MYO1E: variants seen among roughly 807,000 people sequenced by gnomAD.
MYO1E encodes myosin IE, also known as unconventional myosin-Ie.
MYO1E carries 68 observed loss-of-function variants against 151.1 expected under a neutral mutation model. That is an observed-to-expected ratio of 0.45 (90% CI 0.37 to 0.55). The LOEUF is 0.55. Among genes scored for constraint, MYO1E ranks in the 20% least tolerant of loss-of-function variants. The pLI, the probability that MYO1E is intolerant of heterozygous loss-of-function variation, is 0.00. For synonymous variants in MYO1E, 601 were observed against 501.7 expected, an observed-to-expected ratio of 1.20 and a Z score of -2.64; for missense variants, 1,363 against 1,389.3, an observed-to-expected ratio of 0.98 and a Z score of 0.30.
chr15:59,311,858 A>C (rs1230357191), intron 1 of MYO1E, among the ~76,000 whole-genome samples: 9 of 152,100 alleles, frequency 5.9e-5, no homozygotes, highest in Admixed American at 5.9e-4. Flanking sequence ...CTGTCTTGCT[A>C]TCTCTCACAC....
intron 22 of MYO1E, among the ~76,000 whole-genome samples, chr15:59,166,497 T>C (rs2079563397): frequency 6.6e-6 from 1 of 152,132 alleles, no homozygotes; most frequent in Non-Finnish European, 1.5e-5. Context: ...CACCAATATA[T>C]CTTTTCACAG....
At chr15:59,182,330 A>G (rs1428995161) in intron 18 of MYO1E, among the ~76,000 whole-genome samples, 1 of 152,088 alleles carries the variant, frequency 6.6e-6, no homozygotes, top group Non-Finnish European at 1.5e-5. Context: ...CTCCTGCCTC[A>G]GCCTTCTGAG....
chr15:59,196,374 AC>A (rs2079766285), intron 16 of MYO1E, among the ~76,000 whole-genome samples: 1 of 152,232 alleles, frequency 6.6e-6, no homozygotes, highest in South Asian at 2.1e-4. Flanking sequence ...GTTTGAAGAA[AC>A]AGGAGTAGAG....
At chr15:59,262,642 C>T (rs1160337163) in intron 2 of MYO1E, among the ~76,000 whole-genome samples, 2 of 152,024 alleles carry the variant, frequency 1.3e-5, no homozygotes, top group Admixed American at 6.6e-5. Context: ...CAGAAAGAGA[C>T]CTTGTCTCAA....
At chr15:59,261,337 A>C in intron 3 of MYO1E, 83 bp downstream of exon 3, 1 of 958,260 alleles carries the variant, frequency 1.0e-6, no homozygotes, top group South Asian at 1.4e-5. Context: ...AAAAGTGCAA[A>C]AGTACTGCTA....
At chr15:59,324,277 C>T (rs1026562961) in intron 1 of MYO1E, among the ~76,000 whole-genome samples, 3 of 151,938 alleles carry the variant, frequency 2.0e-5, no homozygotes, top group Non-Finnish European at 2.9e-5. Flanking sequence ...CAGTCACATC[C>T]GTTAAGAGAG....
intron 1 of MYO1E, among the ~76,000 whole-genome samples, chr15:59,361,451 A>C (rs1481928279): frequency 2.0e-5 from 3 of 152,178 alleles, no homozygotes; most frequent in African/African-American, 7.2e-5. Context: ...ACTGTATGTC[A>C]ACTGTCATTG....
intron 1 of MYO1E, among the ~76,000 whole-genome samples, chr15:59,333,849 A>G (rs1283439798): frequency 6.6e-6 from 1 of 152,246 alleles, no homozygotes; most frequent in Non-Finnish European, 1.5e-5. Flanking sequence ...CAGAACCAGC[A>G]TATATCCTCA....
At chr15:59,294,321 T>TG (rs1242397195) in intron 1 of MYO1E, among the ~76,000 whole-genome samples, 1 of 152,224 alleles carries the variant, frequency 6.6e-6, no homozygotes, top group Non-Finnish European at 1.5e-5. Flanking sequence ...CCTCATTCTC[T>TG]GAGGTCCAAA....
At chr15:59,242,073 G>T (rs1487775535) in intron 4 of MYO1E, among the ~76,000 whole-genome samples, 1 of 152,214 alleles carries the variant, frequency 6.6e-6, no homozygotes, top group Non-Finnish European at 1.5e-5. Flanking sequence ...GATGCACCAA[G>T]GGTTCTGGCC....
chr15:59,165,779 G>A (rs150082067), intron 22 of MYO1E, among the ~76,000 whole-genome samples: 9 of 152,338 alleles, frequency 5.9e-5, no homozygotes, highest in African/African-American at 2.2e-4. Flanking sequence ...TAGCCCAGGT[G>A]TAAGAACCCG....
chr15:59,340,378 CT>C (rs35360737), intron 1 of MYO1E, among the ~76,000 whole-genome samples: 27,225 of 147,606 alleles, frequency 0.18, 3,196 homozygotes, highest in East Asian at 0.49. Context: ...TCACATTAAC[CT>C]TTTTTTTTTT....
chr15:59,205,261 C>T, intron 15 of MYO1E, 139 bp downstream of exon 15: 1 of 866,082 alleles, frequency 1.2e-6, no homozygotes, highest in Admixed American at 1.7e-5. Context: ...CTCCTAGGAT[C>T]AAGTGATCCT....
intron 26 of MYO1E, among the ~76,000 whole-genome samples, chr15:59,151,729 A>G (rs1232984415): frequency 6.6e-6 from 1 of 152,146 alleles, no homozygotes; most frequent in Admixed American, 6.5e-5. Flanking sequence ...CCTGGCCAAC[A>G]TGGCGAAACC....
chr15:59,327,583 G>A (rs1379647197), intron 1 of MYO1E, among the ~76,000 whole-genome samples: 1 of 152,018 alleles, frequency 6.6e-6, no homozygotes. Flanking sequence ...CAAAAGTATT[G>A]GGATTGCAGG....
chr15:59,216,373 G>GT lies in MYO1E; in HGVS notation c.1107+1517dup, dbSNP rs1343596504. ...GGGTTGTTGTAAGAATTAAGTGAGGGTTTTTTCTCTTTAAAATACTCAGAA... is the reference window on the plus strand; with the variant it reads ...GGGTTGTTGTAAGAATTAAGTGAGGGTTTTTTTCTCTTTAAAATACTCAGAA... On this transcript the variant is annotated intron_variant, in intron 10 of 27. Coordinates refer to ENST00000288235, the MANE Select transcript of MYO1E (RefSeq NM_004998.4). 2.6e-5 allele frequency among the ~76,000 whole-genome samples: 4 copies of GT among 151,762 alleles called. No homozygotes were observed. The East Asian group carries it at 7.8e-4, about 30-fold the overall frequency.
intron 18 of MYO1E, among the ~76,000 whole-genome samples, chr15:59,184,630 G>A (rs561706358): frequency 6.6e-6 from 1 of 152,142 alleles, no homozygotes; most frequent in Admixed American, 6.5e-5. Flanking sequence ...CAAAGTGCTA[G>A]GATTACAGGT....
chr15:59,233,788 C>A (rs2080043640), intron 5 of MYO1E, among the ~76,000 whole-genome samples: 1 of 150,784 alleles, frequency 6.6e-6, no homozygotes, highest in Admixed American at 6.6e-5. Context: ...ACCACATGAA[C>A]CTAGGTTCTA....
At position 59,372,567 on chromosome 15, in the gene MYO1E, TC is replaced by T; in HGVS notation, c.-68del. On this transcript the variant is annotated 5_prime_UTR_variant, in exon 1 of 28. Coordinates refer to ENST00000288235, the MANE Select transcript of MYO1E (RefSeq NM_004998.4). ...CCGGGGAACTGGGGCTGGAACGCAG[TC>T]TTCTGGGCGAACTTCAAAAGTTGGT... 1 of 1,523,192 alleles carries T rather than the reference TC, an allele frequency of 6.6e-7. No homozygotes were observed. The highest frequency in any genetic ancestry group is 2.5e-5 in the East Asian group (1 of 40,078). The allele number at this position is 1,523,192 out of a possible 1,614,324, so 94.4% of individuals were successfully genotyped here. A position where few individuals can be genotyped will look rare whatever the true frequency, so the allele number is the denominator to read the frequency against.
Sources: gnomAD v4.1 joint callset for allele counts (sites outside exome capture counted in the v4.1 genomes callset) on GRCh38, gnomAD v4.1.1 for gene constraint, MANE v1.5 for transcripts, NCBI Gene and HGNC (gene_info 2026-07-23, HGNC 2026-07-21) for gene names.